Variants in MSRA observed in about 807,000 individuals in gnomAD.
The protein encoded by MSRA is methionine sulfoxide reductase A.
Under a neutral mutation model 31.3 loss-of-function variants are expected in MSRA, and 54 were observed. The ratio of observed to expected loss-of-function variants is 1.73; its 90% confidence interval spans 1.39 to 2.17. The LOEUF is 2.17. Ranked by LOEUF, MSRA falls within the 30% of genes most tolerant of loss-of-function variation. The pLI, the probability that MSRA is intolerant of heterozygous loss-of-function variation, is 0.00. For missense variants in MSRA, 507 were observed against 300.9 expected (o/e 1.69, Z -5.07); for synonymous variants, 169 against 116.5 (o/e 1.45, Z -2.90).
chr8:10,217,431 C>T (rs1238106879), intron 2 of MSRA, among the ~76,000 whole-genome samples: 3 of 152,144 alleles, frequency 2.0e-5, no homozygotes, highest in African/African-American at 7.2e-5. Context: ...AAGTTAATTG[C>T]GTTGTATCTA....
At chr8:10,378,028 G>T (rs1192522974) in intron 5 of MSRA, among the ~76,000 whole-genome samples, 1 of 152,206 alleles carries the variant, frequency 6.6e-6, no homozygotes, top group Non-Finnish European at 1.5e-5. Context: ...AAGGCAAAAG[G>T]CCCCGGGTGG....
chr8:10,080,111 G>A (rs1203854978), intron 1 of MSRA, among the ~76,000 whole-genome samples: 2 of 152,016 alleles, frequency 1.3e-5, no homozygotes, highest in African/African-American at 4.8e-5. Flanking sequence ...CTTTTTCTCT[G>A]TTCTTTTTCC....
At chr8:10,174,027 G>A (rs977243980) in intron 1 of MSRA, among the ~76,000 whole-genome samples, 2 of 152,144 alleles carry the variant, frequency 1.3e-5, no homozygotes, top group Non-Finnish European at 2.9e-5. Flanking sequence ...TGTCTACATG[G>A]TATCTTCTAG....
chr8:10,263,212 C>A (rs770309196), intron 3 of MSRA, among the ~76,000 whole-genome samples: 6 of 152,186 alleles, frequency 3.9e-5, no homozygotes, highest in Non-Finnish European at 5.9e-5. Context: ...GCTGTCACCC[C>A]CAAACGAAGT....
At chr8:10,194,034 A>C (rs1357897270) in intron 1 of MSRA, among the ~76,000 whole-genome samples, 1 of 150,724 alleles carries the variant, frequency 6.6e-6, no homozygotes, top group Non-Finnish European at 1.5e-5. Flanking sequence ...ATGGAAGAAA[A>C]ATTGCAAGAG....
chr8:10,255,740 A>C (rs1798142226), intron 3 of MSRA, among the ~76,000 whole-genome samples: 1 of 151,274 alleles, frequency 6.6e-6, no homozygotes. Context: ...TGGTGAAATC[A>C]CATACTGGGG....
rs1276648180 is a variant in MSRA, at chr8:10,167,609, A to G, written c.143-40224A>G. On this transcript the variant is annotated intron_variant, in intron 1 of 5. Coordinates refer to ENST00000317173, the MANE Select transcript of MSRA (RefSeq NM_012331.5). ...TTGCTCTAGTAATTCTAGCATGCAA[A>G]TTCAAAGGACTGCAGAGGAGGCAGG... 2.6e-5 allele frequency among the ~76,000 whole-genome samples: 4 copies of G among 152,152 alleles called. No homozygotes were observed. The East Asian group carries it at 5.8e-4, about 22-fold the overall frequency.
In MSRA at chr8:10,185,740, A is replaced by G. The variant is rs909656099; in HGVS notation, c.143-22093A>G. 5.9e-5 allele frequency among the ~76,000 whole-genome samples: 9 copies of G among 152,164 alleles called. No individual in the cohort carries two copies. In the East Asian group the frequency reaches 1.3e-3, roughly 23 times the overall value. Reference sequence around the variant, plus strand: ...ATCCTGGATGAGGCCTGAACTGACCATTCACTCAGTCCTCTGGACCTTTGA... The same window carrying G: ...ATCCTGGATGAGGCCTGAACTGACCGTTCACTCAGTCCTCTGGACCTTTGA... On this transcript the variant is annotated intron_variant, in intron 1 of 5. Coordinates refer to ENST00000317173, the MANE Select transcript of MSRA (RefSeq NM_012331.5).
intron 4 of MSRA, among the ~76,000 whole-genome samples, chr8:10,305,655 G>A (rs1010506922): frequency 2.6e-5 from 4 of 152,058 alleles, no homozygotes; most frequent in African/African-American, 4.8e-5. Context: ...CTCATGATTC[G>A]CCCACCTCGG....
At chr8:10,380,163 C>G (rs1015360300) in intron 5 of MSRA, among the ~76,000 whole-genome samples, 1 of 152,242 alleles carries the variant, frequency 6.6e-6, no homozygotes, top group African/African-American at 2.4e-5. Flanking sequence ...GCCCTGCTCT[C>G]TCTTGCCTGT....
chr8:10,130,772 T>C (rs1170478972), intron 1 of MSRA, among the ~76,000 whole-genome samples: 1 of 152,124 alleles, frequency 6.6e-6, no homozygotes, highest in African/African-American at 2.4e-5. Context: ...CGCTAAGATG[T>C]ATTTTGCAGT....
chr8:10,156,720 C>G (rs1436524449), intron 1 of MSRA, among the ~76,000 whole-genome samples: 2 of 151,470 alleles, frequency 1.3e-5, no homozygotes, highest in Admixed American at 6.6e-5. Context: ...TGCTGATTCA[C>G]TTCTTTTGAC....
At chr8:10,398,400 C>G (rs927831011) in intron 5 of MSRA, among the ~76,000 whole-genome samples, 2 of 152,202 alleles carry the variant, frequency 1.3e-5, no homozygotes, top group African/African-American at 2.4e-5. Context: ...CGAGAGAGAC[C>G]TTCTCTGAGG....
At chr8:10,222,352 A>G (rs892296846) in intron 2 of MSRA, among the ~76,000 whole-genome samples, 1 of 152,178 alleles carries the variant, frequency 6.6e-6, no homozygotes, top group Non-Finnish European at 1.5e-5. Context: ...TAGCTTGGCT[A>G]TTATCAAAAA....
chr8:10,330,568 A>C (rs909052034), intron 5 of MSRA, among the ~76,000 whole-genome samples: 5 of 152,226 alleles, frequency 3.3e-5, no homozygotes, highest in Non-Finnish European at 7.3e-5. Context: ...AGTTGCTTTA[A>C]ACAAAGCTAT....
chr8:10,072,779 G>A (rs79521123), intron 1 of MSRA, among the ~76,000 whole-genome samples: 1,840 of 152,166 alleles, frequency 0.012, 36 homozygotes, highest in African/African-American at 0.043. Context: ...TTTCATCAGC[G>A]TTTTGTAATT....
At chr8:10,312,023 G>T (rs989416926) in intron 4 of MSRA, among the ~76,000 whole-genome samples, 1 of 152,152 alleles carries the variant, frequency 6.6e-6, no homozygotes, top group Non-Finnish European at 1.5e-5. Context: ...AAAATCGATA[G>T]GGCATAGGTA....
intron 3 of MSRA, among the ~76,000 whole-genome samples, chr8:10,248,520 C>A (rs1797746403): frequency 6.6e-6 from 1 of 152,160 alleles, no homozygotes; most frequent in African/African-American, 2.4e-5. Context: ...AGTTTGCTAC[C>A]CCTGCTGTGC....
chr8:10,355,677 G>T (rs149028034), intron 5 of MSRA, among the ~76,000 whole-genome samples: 3 of 152,156 alleles, frequency 2.0e-5, no homozygotes, highest in African/African-American at 7.2e-5. Flanking sequence ...TGTCCTGGCT[G>T]CTGGGATCCT....
Sources: gnomAD v4.1 joint callset for allele counts (sites outside exome capture counted in the v4.1 genomes callset) on GRCh38, gnomAD v4.1.1 for gene constraint, MANE v1.5 for transcripts, NCBI Gene and HGNC (gene_info 2026-07-23, HGNC 2026-07-21) for gene names.